TRIOBP: variants seen among roughly 807,000 people sequenced by gnomAD.
The protein encoded by TRIOBP is TRIO and F-actin binding protein.
In TRIOBP, 169 loss-of-function variants were observed where a neutral mutation model predicts 238.8. That is an observed-to-expected ratio of 0.71 (90% confidence interval 0.62 to 0.80). TRIOBP has a LOEUF of 0.80. Ranked by LOEUF, TRIOBP falls within the 30% of genes least tolerant of loss-of-function variation. The probability of loss-of-function intolerance (pLI) is 0.00; values close to 1 mark genes in which losing one functional copy is unlikely to be tolerated. For missense variants in TRIOBP, 2,838 were observed against 3,122.6 expected, an observed-to-expected ratio of 0.91 and a Z score of 2.17; for synonymous variants, 1,150 against 1,274.4, an observed-to-expected ratio of 0.90 and a Z score of 2.08.
chr22:37,700,628 A>T (rs1922595698), intron 2 of TRIOBP, among the ~76,000 whole-genome samples: 1 of 151,814 alleles, frequency 6.6e-6, no homozygotes, highest in South Asian at 2.1e-4. Context: ...GTTGCCCAGG[A>T]TGGTCTTGAA....
At chr22:37,710,287 C>T (rs1923167839) in intron 3 of TRIOBP, 140 bp from the exon 4 acceptor site, 1 of 1,328,210 alleles carries the variant, frequency 7.5e-7, no homozygotes, top group Non-Finnish European at 1.0e-6. Flanking sequence ...TGCTTCTAGC[C>T]TGATGGGCAG....
In TRIOBP at chr22:37,722,904, T is replaced by A. The variant is rs76340729; in HGVS notation, c.629-281T>A. Among the ~76,000 whole-genome samples, 1,831 of 152,344 alleles carry A rather than the reference T, an allele frequency of 0.012. 42 individuals are homozygous for A. Among genetic ancestry groups the A allele is most frequent in the African/African-American group, 0.042 (1,745 of 41,580 alleles). On this transcript the variant is annotated intron_variant, in intron 6 of 23. Coordinates refer to ENST00000644935, the MANE Select transcript of TRIOBP (RefSeq NM_001039141.3). ...ATTTGCTTCTTCTCTGTCTTGTCCG[T>A]GGATCCCCAGACCCTGTGGCCTTCC...
At chr22:37,747,044 C>T (rs1925320160) in intron 11 of TRIOBP, among the ~76,000 whole-genome samples, 1 of 152,160 alleles carries the variant, frequency 6.6e-6, no homozygotes, top group African/African-American at 2.4e-5. Flanking sequence ...GACAAGCCTG[C>T]GAGTCTGAGT....
intron 11 of TRIOBP, 96 bp downstream of exon 11, chr22:37,741,128 G>A: frequency 6.7e-7 from 1 of 1,489,106 alleles, no homozygotes; most frequent in Non-Finnish European, 9.0e-7. Flanking sequence ...AGAGAGTGGG[G>A]GCTGAGGAGG....
chr22:37,755,014 C>T lies in TRIOBP; in HGVS notation c.5487+30C>T, dbSNP rs775300788. On this transcript the variant is annotated intron_variant, in intron 13 of 23. Transcript: ENST00000644935. ...GGCCATGGGTGTACTGATGAACCCC[C>T]GGAAGGGCCTGGGGTGGCCTGGCTG... 9 of 1,611,920 alleles carry T rather than the reference C, an allele frequency of 5.6e-6. No homozygotes were observed. The East Asian group carries it at 8.9e-5, about 16-fold the overall frequency.
intron 7 of TRIOBP, among the ~76,000 whole-genome samples, chr22:37,727,147 G>T (rs1334612194): frequency 1.3e-5 from 2 of 151,226 alleles, no homozygotes; most frequent in African/African-American, 2.4e-5. Flanking sequence ...GACCTCAAGT[G>T]ATCCACCCGC....
chr22:37,726,307 G>A lies in TRIOBP; in HGVS notation c.3751G>A (p.Gly1251Ser), dbSNP rs759615772. 1 of 1,612,840 alleles carries A rather than the reference G, an allele frequency of 6.2e-7. No individual in the cohort carries two copies. Among genetic ancestry groups the A allele is most frequent in the South Asian group, 1.1e-5 (1 of 91,050 alleles). Residue 1251 changes from glycine (G) to serine (S), a missense_variant, in exon 7 of 24, where the codon GGC (glycine) becomes AGC (serine). Physicochemically the swap from Gly to Ser is moderately conservative, Grantham distance 56. Coordinates refer to ENST00000644935, the MANE Select transcript of TRIOBP (RefSeq NM_001039141.3). ...APSPSPGSSG[G>S]SRGSAPPGET... is the part of the protein sequence containing the mutation. ...CTCACCTTCACCGGGCAGCTCTGGGGGCTCCCGGGGCTCAGCGCCTCCCGG... is the reference window on the plus strand; with the variant it reads ...CTCACCTTCACCGGGCAGCTCTGGGAGCTCCCGGGGCTCAGCGCCTCCCGG...
chr22:37,776,090 C>T lies in TRIOBP; in HGVS notation c.*2310C>T, dbSNP rs1445835409. 6.6e-6 allele frequency: 1 copy of T among 152,374 alleles called. No individual in the cohort carries two copies. The highest frequency in any genetic ancestry group is 1.5e-5 in the Non-Finnish European group (1 of 68,154). The allele number at this position is 152,374 out of a possible 1,614,324, so 9.4% of individuals were successfully genotyped here. On this transcript the variant is annotated 3_prime_UTR_variant, in exon 24 of 24. Transcript: ENST00000644935. ...TGCCTCCCTTCTAGCCTCAACCTAA[C>T]TCAGGGCTCCCCCGTCTCACACCTG...
chr22:37,703,838 C>T (rs1922788593), intron 3 of TRIOBP, among the ~76,000 whole-genome samples: 1 of 152,062 alleles, frequency 6.6e-6, no homozygotes, highest in Admixed American at 6.6e-5. Context: ...TAATAGCTCT[C>T]TTGTGCTCAC....
At chr22:37,752,560 G>A (rs1925674805) in intron 12 of TRIOBP, among the ~76,000 whole-genome samples, 1 of 152,210 alleles carries the variant, frequency 6.6e-6, no homozygotes, top group Admixed American at 6.5e-5. Context: ...TGGTCTGCGT[G>A]CAGCCTGCAT....
At chr22:37,771,571 G>C (rs1569064766) in intron 21 of TRIOBP, 79 bp from the exon 22 acceptor site, 2 of 1,308,502 alleles carry the variant, frequency 1.5e-6, no homozygotes, top group Non-Finnish European at 2.2e-6. Context: ...GAGGCAGAGA[G>C]AACCCGGGCT....
chr22:37,704,423 AGAACAGAACAGAACAGT>A, intron 3 of TRIOBP, among the ~76,000 whole-genome samples: 1 of 40,168 alleles, frequency 2.5e-5, no homozygotes, highest in African/African-American at 4.3e-5. Context: ...AGAACAGAAC[AGAACAGAACAGAACAGT>A]ACAGAAAACA....
rs1470125529 is a variant in TRIOBP at position 37,740,953 on chromosome 22, C to T, written c.5243C>T (p.Thr1748Ile). Residue 1748 changes from threonine (T) to isoleucine (I), a missense_variant, in exon 11 of 24, where the codon ACC becomes ATC. Transcript: ENST00000644935. ...AGCCCGCTCAAGGGCCGACTGGTGA[C>T]CTCATGGCGGATGCCCGGGGACCGG... ...AGSPLKGRLV[T>I]SWRMPGDRPT... 1 of 1,566,930 alleles carries T rather than the reference C, an allele frequency of 6.4e-7. No homozygotes were observed. The highest frequency in any genetic ancestry group is 1.3e-5 in the African/African-American group (1 of 74,344).
chr22:37,733,504 G>A, intron 8 of TRIOBP, 92 bp downstream of exon 8: 5 of 996,112 alleles, frequency 5.0e-6, no homozygotes, highest in Non-Finnish European at 7.8e-6. Context: ...GGCTTGGACA[G>A]GAAGGTCCTC....
chr22:37,732,458 C>T (rs1443802038), intron 7 of TRIOBP, among the ~76,000 whole-genome samples: 2 of 133,396 alleles, frequency 1.5e-5, no homozygotes, highest in Admixed American at 9.3e-5. Context: ...TGCAGTGAGC[C>T]GAGATCGCGC....
chr22:37,725,806 C>G lies in TRIOBP; in HGVS notation c.3250C>G (p.Pro1084Ala). 6.2e-7 allele frequency: 1 copy of G among 1,610,626 alleles called. No homozygotes were observed. Among genetic ancestry groups the G allele is most frequent in the South Asian group, 1.1e-5 (1 of 90,814 alleles). The part of the protein sequence containing the change: ...SSPPRHTQFD[P>A]FPFLPDTSDA... ...GCCCCCCCGCCACACCCAATTTGAC[C>G]CCTTCCCCTTCCTCCCAGACACATC... The change falls in exon 7 of 24, where the codon CCC becomes GCC. Residue 1084 changes from proline (P) to alanine (A), a missense_variant. Coordinates refer to ENST00000644935, the MANE Select transcript of TRIOBP (RefSeq NM_001039141.3).
chr22:37,760,410 T>TGG (rs946618244), intron 17 of TRIOBP: 3 of 152,230 alleles, frequency 2.0e-5, no homozygotes, highest in African/African-American at 7.2e-5. Flanking sequence ...ACAAAGTCCC[T>TGG]GGACAGAGAG....
Position 37,710,413 on chromosome 22 carries a change from C to G in TRIOBP, c.115-14C>G. The G allele has an allele frequency of 6.2e-7, 1 of 1,613,160 alleles. No individual in the cohort carries two copies. Among genetic ancestry groups the G allele is most frequent in the Non-Finnish European group, 8.5e-7 (1 of 1,180,002 alleles). ...TGGGCGCTGAGCTGTCTCCTCTCTC[C>G]AACCCTGGCCCAGGAGCTCAGGAGC... is the stretch of plus-strand genomic sequence containing the variant. On this transcript the variant is annotated splice_polypyrimidine_tract_variant and intron_variant, in intron 3 of 23. Coordinates refer to ENST00000644935, the MANE Select transcript of TRIOBP (RefSeq NM_001039141.3).
chr22:37,766,890 G>C (rs1163667321), intron 18 of TRIOBP, among the ~76,000 whole-genome samples: 3 of 151,532 alleles, frequency 2.0e-5, no homozygotes, highest in Non-Finnish European at 4.4e-5. Flanking sequence ...GAACCCAGGA[G>C]ACAGAGGCTG....
Sources: gnomAD v4.1 joint callset for allele counts (sites outside exome capture counted in the v4.1 genomes callset) on GRCh38, gnomAD v4.1.1 for gene constraint, MANE v1.5 for transcripts, NCBI Gene and HGNC (gene_info 2026-07-23, HGNC 2026-07-21) for gene names.